The following DYNC1I1 variants were observed in gnomAD, a reference collection of about 807,000 sequenced individuals.
DYNC1I1 encodes the protein dynein cytoplasmic 1 intermediate chain 1, also known as cytoplasmic dynein 1 intermediate chain 1.
A neutral mutation model predicts 86.6 loss-of-function variants in DYNC1I1; 43 were observed. That is an observed-to-expected ratio of 0.50 (90% CI 0.39 to 0.64). The LOEUF (loss-of-function observed/expected upper bound fraction) is 0.64. DYNC1I1 is among the 30% of genes least tolerant of loss of function. DYNC1I1 has a pLI of 0.00. For missense variants in DYNC1I1, 604 were observed against 788.8 expected, an observed-to-expected ratio of 0.77 and a Z score of 2.81; for synonymous variants, 262 against 283.7, an observed-to-expected ratio of 0.92 and a Z score of 0.77.
chr7:96,028,119 G>A, intron 10 of DYNC1I1, 56 bp from the exon 11 acceptor site: 2 of 1,578,442 alleles, frequency 1.3e-6, no homozygotes, highest in Non-Finnish European at 1.7e-6. Flanking sequence ...GAAGAAACAA[G>A]TCACCTACAA....
At chr7:95,780,073 G>A (rs899846074) in intron 1 of DYNC1I1, among the ~76,000 whole-genome samples, 2 of 152,154 alleles carry the variant, frequency 1.3e-5, no homozygotes, top group Non-Finnish European at 2.9e-5. Flanking sequence ...CCGATGAGCA[G>A]TCCAGTACAT....
intron 4 of DYNC1I1, among the ~76,000 whole-genome samples, chr7:95,824,141 C>T (rs1272458470): frequency 6.6e-6 from 1 of 150,920 alleles, no homozygotes; most frequent in Non-Finnish European, 1.5e-5. Flanking sequence ...CAGGCGAGCA[C>T]CACCATACCC....
intron 14 of DYNC1I1, among the ~76,000 whole-genome samples, chr7:96,070,009 T>C (rs1790113048): frequency 6.6e-6 from 1 of 152,180 alleles, no homozygotes; most frequent in Non-Finnish European, 1.5e-5. Context: ...ACATAGTCCA[T>C]TGAGAATAGT....
At chr7:95,951,701 T>G (rs1364334245) in intron 6 of DYNC1I1, among the ~76,000 whole-genome samples, 2 of 152,220 alleles carry the variant, frequency 1.3e-5, no homozygotes, top group African/African-American at 4.8e-5. Flanking sequence ...TATCACCATC[T>G]GTTTTCAAGG....
intron 6 of DYNC1I1, among the ~76,000 whole-genome samples, chr7:95,949,034 C>T (rs1293384029): frequency 6.6e-6 from 1 of 152,220 alleles, no homozygotes; most frequent in Admixed American, 6.5e-5. Context: ...TCTTACTCTG[C>T]TTTTGCAACT....
At chr7:95,926,701 A>G (rs1584166581) in intron 6 of DYNC1I1, among the ~76,000 whole-genome samples, 1 of 152,180 alleles carries the variant, frequency 6.6e-6, no homozygotes, top group East Asian at 1.9e-4. Flanking sequence ...TAAAGTAAGG[A>G]TAAGACACAA....
chr7:96,073,921 T>C (rs1478615351), intron 14 of DYNC1I1, among the ~76,000 whole-genome samples: 2 of 152,158 alleles, frequency 1.3e-5, no homozygotes, highest in Non-Finnish European at 2.9e-5. Flanking sequence ...ATTGGACAGT[T>C]AGGTTTTATC....
At chr7:96,007,172 G>GT (rs1479731822) in intron 10 of DYNC1I1, among the ~76,000 whole-genome samples, 1 of 152,048 alleles carries the variant, frequency 6.6e-6, no homozygotes, top group African/African-American at 2.4e-5. Context: ...AATTTCACTA[G>GT]TTAGCTAGTA....
intron 6 of DYNC1I1, among the ~76,000 whole-genome samples, chr7:95,956,920 A>G (rs1172521384): frequency 6.6e-6 from 1 of 152,198 alleles, no homozygotes; most frequent in Non-Finnish European, 1.5e-5. Context: ...AATCAAGTCC[A>G]TCATTCAGTT....
At position 95,943,234 on chromosome 7, in the gene DYNC1I1, C is replaced by T. The variant is rs543310276; in HGVS notation, c.491-34278C>T. Among the ~76,000 whole-genome samples the T allele has an allele frequency of 1.3e-4, 20 of 151,896 alleles. No individual in the cohort carries two copies. The South Asian group carries it at 3.8e-3, about 29-fold the overall frequency. ...AGCATTCTTATATGCCAATAACAGA[C>T]AAACAGAGAGCCAAATCATGAGTGA... On this transcript the variant is annotated intron_variant, in intron 6 of 16. Transcript: ENST00000447467.
chr7:96,104,716 G>A (rs1207954525), intron 16 of DYNC1I1, among the ~76,000 whole-genome samples: 2 of 152,014 alleles, frequency 1.3e-5, no homozygotes, highest in Admixed American at 6.5e-5. Context: ...CCTCTATTCT[G>A]TTTCACTATT....
chr7:96,060,228 G>T (rs895874789), intron 14 of DYNC1I1, among the ~76,000 whole-genome samples: 2 of 152,088 alleles, frequency 1.3e-5, no homozygotes, highest in South Asian at 4.1e-4. Context: ...CCACCCTCCT[G>T]TGGCACAAAT....
intron 14 of DYNC1I1, among the ~76,000 whole-genome samples, chr7:96,057,374 G>A (rs139189417): frequency 6.6e-6 from 1 of 152,102 alleles, no homozygotes; most frequent in Non-Finnish European, 1.5e-5. Flanking sequence ...AGAAAGGAGT[G>A]ATTTAGAGAT....
chr7:95,918,026 GAAC>G (rs1053505420), intron 6 of DYNC1I1, among the ~76,000 whole-genome samples: 1 of 152,166 alleles, frequency 6.6e-6, no homozygotes, highest in Non-Finnish European at 1.5e-5. Flanking sequence ...TTTTGGATTT[GAAC>G]AACATTTAAA....
Position 96,024,617 on chromosome 7 carries a change from T to C in DYNC1I1, c.970-3558T>C, listed in dbSNP as rs10261270. ...ATTTAATAATGCTTTATTATAACAC[T>C]GAATAACAATATAAAATTTCAACTG... On this transcript the variant is annotated intron_variant, in intron 10 of 16. Transcript: ENST00000447467. Among the ~76,000 whole-genome samples the C allele has an allele frequency of 8.6e-3, 1,302 of 152,228 alleles. 16 individuals are homozygous for C. Among genetic ancestry groups the C allele is most frequent in the African/African-American group, 0.03 (1,233 of 41,532 alleles).
intron 6 of DYNC1I1, among the ~76,000 whole-genome samples, chr7:95,946,394 G>T (rs979685718): frequency 2.6e-5 from 4 of 152,072 alleles, no homozygotes; most frequent in African/African-American, 9.7e-5. Context: ...TTCAATTAGC[G>T]TGTTTGGAAA....
At chr7:95,843,135 A>G (rs1733984) in intron 5 of DYNC1I1, among the ~76,000 whole-genome samples, 43,295 of 152,002 alleles carry the variant, frequency 0.28, 7,914 homozygotes, top group East Asian at 0.58. Context: ...GTGAACAGAA[A>G]CTATTCTTAT....
chr7:95,872,116 G>A (rs1790188201), intron 6 of DYNC1I1, among the ~76,000 whole-genome samples: 1 of 152,220 alleles, frequency 6.6e-6, no homozygotes, highest in East Asian at 1.9e-4. Flanking sequence ...GGAGGTGGTT[G>A]GCAGGAGAGC....
At chr7:95,867,369 A>T (rs1790040833) in intron 5 of DYNC1I1, among the ~76,000 whole-genome samples, 1 of 152,190 alleles carries the variant, frequency 6.6e-6, no homozygotes, top group Non-Finnish European at 1.5e-5. Context: ...AATGACAGGT[A>T]CCCATTTTAC....
Sources: gnomAD v4.1 joint callset for allele counts (sites outside exome capture counted in the v4.1 genomes callset) on GRCh38, gnomAD v4.1.1 for gene constraint, MANE v1.5 for transcripts, NCBI Gene and HGNC (gene_info 2026-07-23, HGNC 2026-07-21) for gene names.